ZNF559: variants seen among roughly 807,000 people sequenced by gnomAD.
ZNF559 encodes putative protein product of Nbla00121.
ZNF559 carries 17 observed loss-of-function variants against 14.2 expected under a neutral mutation model. That is an observed-to-expected ratio of 1.20 (90% CI 0.82 to 1.80). The LOEUF (loss-of-function observed/expected upper bound fraction) is 1.80. Ranked by LOEUF, ZNF559 falls within the 40% of genes most tolerant of loss-of-function variation. The pLI is 0.00. For synonymous variants in ZNF559, 244 were observed against 212.4 expected (o/e 1.15, Z -1.29); for missense variants, 740 against 629.7 (o/e 1.18, Z -1.88).
Position 9,337,906 on chromosome 19 carries a change from T to C in ZNF559, c.-57+48T>C, listed in dbSNP as rs2067327845. 7 of 1,534,594 alleles carry C rather than the reference T, an allele frequency of 4.6e-6. No homozygotes were observed. The East Asian group carries it at 1.5e-4, about 32-fold the overall frequency. ...CTACTTAATCAAGAGGAATTGAGAT[T>C]GACTTACCCATAAGTTCAGACAGTG... On this transcript the variant is annotated intron_variant, in intron 3 of 6. Coordinates refer to ENST00000603380, the MANE Select transcript of ZNF559 (RefSeq NM_032497.3).
rs144545544 is a variant in ZNF559, at chr19:9,339,315, A to G, written c.156A>G (p.Ala52=). The change falls in exon 5 of 7, where the codon GCA becomes GCG. Residue 52 remains alanine (A), a synonymous_variant. Coordinates refer to ENST00000603380, the MANE Select transcript of ZNF559 (RefSeq NM_032497.3). The stretch of plus-strand genomic sequence containing the variant: ...TGGAGAACTATAAGAATCTAGTTGC[A>G]GTAGGTAAGGCTGGTACCATTCTTT... ...VMLENYKNLV[A]VDWESHINTK... is the part of the protein sequence containing the mutation. The G allele has an allele frequency of 1.2e-4, 197 of 1,612,310 alleles. 1 individual carries two copies. The African/African-American group carries it at 1.7e-3, about 14-fold the overall frequency.
At chr19:9,326,326 C>T (rs866648741) in intron 2 of ZNF559, among the ~76,000 whole-genome samples, 3 of 152,022 alleles carry the variant, frequency 2.0e-5, no homozygotes, top group South Asian at 2.1e-4. Context: ...AGGCTGGTCT[C>T]GAACTCCTGA....
Position 9,342,078 on chromosome 19 carries a change from A to C in ZNF559, c.627A>C (p.Gly209=). 1 of 1,612,156 alleles carries C rather than the reference A, an allele frequency of 6.2e-7. No individual in the cohort carries two copies. The highest frequency in any genetic ancestry group is 1.1e-5 in the South Asian group (1 of 90,572). The change falls in exon 7 of 7, where the codon GGA becomes GGC. Residue 209 remains glycine, a synonymous_variant. Transcript: ENST00000603380. ...HLRECVRIYG[G]ERPYTHKEYV... ...GAGAATGTGTAAGAATTTATGGTGG[A>C]GAGAGACCATATACTCATAAGGAGT... is the stretch of plus-strand genomic sequence containing the variant.
Position 9,324,246 on chromosome 19 carries a change from G to C in ZNF559, c.-206+18G>C, listed in dbSNP as rs561995774. The C allele has an allele frequency of 2.6e-6, 4 of 1,536,112 alleles. No individual in the cohort carries two copies. The highest frequency in any genetic ancestry group is 2.0e-5 in the Admixed American group (1 of 51,000). ...CGTCTGAGGTAAGTTTTTGTTTCTG[G>C]GCGGCGTTCGGTGGTGTCCCGGTGC... On this transcript the variant is annotated intron_variant, in intron 1 of 6. Coordinates refer to ENST00000603380, the MANE Select transcript of ZNF559 (RefSeq NM_032497.3).
In ZNF559 at chr19:9,343,096, G is replaced by A. The variant is rs779869318; in HGVS notation, c.*28G>A. ...TGGGGCTGATACTTGGAAAGAATGTGGTAAAGCCACTACTTCCTCACACTT... is the reference window on the plus strand; with the variant it reads ...TGGGGCTGATACTTGGAAAGAATGTAGTAAAGCCACTACTTCCTCACACTT... On this transcript the variant is annotated 3_prime_UTR_variant, in exon 7 of 7. Coordinates refer to ENST00000603380, the MANE Select transcript of ZNF559 (RefSeq NM_032497.3). 1.3e-6 allele frequency: 2 copies of A among 1,584,036 alleles called. No individual in the cohort carries two copies. Among genetic ancestry groups the A allele is most frequent in the South Asian group, 2.3e-5 (2 of 86,138 alleles).
chr19:9,334,313 C>T lies in ZNF559; in HGVS notation c.-119-3483C>T, dbSNP rs146485687. Among the ~76,000 whole-genome samples, 456 of 152,292 alleles carry T rather than the reference C, an allele frequency of 3.0e-3. 1 individual carries two copies. Among genetic ancestry groups the T allele is most frequent in the African/African-American group, 0.01 (425 of 41,558 alleles). Reference sequence around the variant, plus strand: ...CAGAAATTTAAAATGTTTCAGTGAGCATTTCCTTTGAGTGTCATATCTGTG... The same window carrying T: ...CAGAAATTTAAAATGTTTCAGTGAGTATTTCCTTTGAGTGTCATATCTGTG... On this transcript the variant is annotated intron_variant, in intron 2 of 6. Coordinates refer to ENST00000603380, the MANE Select transcript of ZNF559 (RefSeq NM_032497.3).
In ZNF559 at chr19:9,342,998, G is replaced by A. The variant is rs577370116; in HGVS notation, c.1547G>A (p.Ser516Asn). ...CTTATTCGACATCTAAGAAGTCATAGTGTGGAGAAACCATATAAGGAATGT... is the reference window on the plus strand; with the variant it reads ...CTTATTCGACATCTAAGAAGTCATAATGTGGAGAAACCATATAAGGAATGT... ...TYLIRHLRSHSVEKPYKECGQ... is the reference protein window; with the variant it reads ...TYLIRHLRSHNVEKPYKECGQ... The change falls in exon 7 of 7, where the codon AGT becomes AAT. Residue 516 changes from serine (S) to asparagine (N), a missense_variant. Physicochemically the swap from Ser to Asn is conservative, Grantham distance 46. Coordinates refer to ENST00000603380, the MANE Select transcript of ZNF559 (RefSeq NM_032497.3). 116 of 1,614,192 alleles carry A rather than the reference G, an allele frequency of 7.2e-5. No individual in the cohort carries two copies. In the South Asian group the frequency reaches 1.2e-3, roughly 17 times the overall value.
At chr19:9,324,408 T>A in intron 1 of ZNF559, 180 bp downstream of exon 1, 2 of 1,452,332 alleles carry the variant, frequency 1.4e-6, no homozygotes, top group Non-Finnish European at 1.8e-6. Context: ...CAGTCAGGTC[T>A]GTCCTCAGGG....
intron 5 of ZNF559, among the ~76,000 whole-genome samples, chr19:9,340,594 GTCTTGC>G: frequency 8.5e-6 from 1 of 117,402 alleles, no homozygotes. Context: ...AAAAAAAAGA[GTCTTGC>G]TCTATCGCCA....
intron 5 of ZNF559, among the ~76,000 whole-genome samples, chr19:9,339,765 T>C (rs1397549678): frequency 3.0e-4 from 31 of 104,884 alleles, no homozygotes; most frequent in Non-Finnish European, 2.0e-5. Flanking sequence ...GCACATTCTT[T>C]ACTTTTTTTT....
rs180829570 is a variant in ZNF559 at position 9,336,126 on chromosome 19, A to G, written c.-119-1670A>G. Among the ~76,000 whole-genome samples the G allele has an allele frequency of 2.0e-5, 3 of 152,340 alleles. No individual in the cohort carries two copies. The East Asian group carries it at 5.8e-4, about 29-fold the overall frequency. ...GAGTGTCAACTTTTTTAGGGAAGCC[A>G]GATGTCAGTTTTCAAGTGTCTTATG... On this transcript the variant is annotated intron_variant, in intron 2 of 6. Coordinates refer to ENST00000603380, the MANE Select transcript of ZNF559 (RefSeq NM_032497.3).
Position 9,344,971 on chromosome 19 carries a change from A to C in ZNF559, c.*1903A>C, listed in dbSNP as rs2067698475. ...AGATAATGAACATACCTATCAAACC[A>C]GATGGTTTCCTCATGCCCTTTTATA... On this transcript the variant is annotated 3_prime_UTR_variant, in exon 7 of 7. Coordinates refer to ENST00000603380, the MANE Select transcript of ZNF559 (RefSeq NM_032497.3). 6.6e-6 allele frequency: 1 copy of C among 152,252 alleles called. No homozygotes were observed. The highest frequency in any genetic ancestry group is 2.4e-5 in the African/African-American group (1 of 41,472). 9.4% of individuals were successfully genotyped at this position (152,252 alleles called of 1,614,324 possible).
chr19:9,326,084 T>C lies in ZNF559; in HGVS notation c.-120+1304T>C, dbSNP rs186768243. Among the ~76,000 whole-genome samples the C allele has an allele frequency of 7.9e-5, 12 of 151,912 alleles. No individual in the cohort carries two copies. In the East Asian group the frequency reaches 2.1e-3, roughly 27 times the overall value. ...GTTTTTAGATCTGTTAAATCTGTTT[T>C]TTAACTAGACTATTCACCTGATTTT... On this transcript the variant is annotated intron_variant, in intron 2 of 6. Transcript: ENST00000603380.
chr19:9,331,428 C>T (rs952182430), intron 2 of ZNF559, among the ~76,000 whole-genome samples: 7 of 152,088 alleles, frequency 4.6e-5, no homozygotes, highest in African/African-American at 1.7e-4. Flanking sequence ...TTAAGGGGCA[C>T]AGACTAAATT....
At chr19:9,335,598 C>T (rs1246113641) in intron 2 of ZNF559, among the ~76,000 whole-genome samples, 1 of 152,218 alleles carries the variant, frequency 6.6e-6, no homozygotes, top group Non-Finnish European at 1.5e-5. Flanking sequence ...CCCAGACTGG[C>T]ATGCAGTGGC....
chr19:9,340,970 G>T, intron 5 of ZNF559, 132 bp from the exon 6 acceptor site: 1 of 720,324 alleles, frequency 1.4e-6, no homozygotes, highest in Non-Finnish European at 2.3e-6. Flanking sequence ...TATGTTTCCC[G>T]TTCTTTAAAA....
At chr19:9,335,582 C>T (rs566928923) in intron 2 of ZNF559, among the ~76,000 whole-genome samples, 1 of 152,326 alleles carries the variant, frequency 6.6e-6, no homozygotes, top group South Asian at 2.1e-4. Context: ...AGGTCTGGCT[C>T]TATCGCCCAG....
chr19:9,342,351 T>A lies in ZNF559; in HGVS notation c.900T>A (p.Asn300Lys), dbSNP rs2067622683. ...LRTRGKHYVC[N>K]ECGKEFTCFS... The stretch of plus-strand genomic sequence containing the variant: ...CTAGAGGAAAACACTATGTTTGTAA[T>A]GAATGTGGCAAAGAATTTACTTGTT... The change falls in exon 7 of 7, where the codon AAT becomes AAA. Residue 300 changes from asparagine to lysine, a missense_variant. By Grantham distance (94) the Asn-to-Lys change is moderately conservative. Transcript: ENST00000603380. The A allele has an allele frequency of 6.2e-7, 1 of 1,607,322 alleles. No homozygotes were observed.
At chr19:9,330,486 T>TTCTTC (rs2066879499) in intron 2 of ZNF559, among the ~76,000 whole-genome samples, 1 of 152,174 alleles carries the variant, frequency 6.6e-6, no homozygotes, top group South Asian at 2.1e-4. Flanking sequence ...TCTTTAGGCT[T>TTCTTC]TCTTCACTCT....
Sources: gnomAD v4.1 joint callset for allele counts (sites outside exome capture counted in the v4.1 genomes callset) on GRCh38, gnomAD v4.1.1 for gene constraint, MANE v1.5 for transcripts, NCBI Gene and HGNC (gene_info 2026-07-23, HGNC 2026-07-21) for gene names.